The following KCNIP1 variants were observed in gnomAD, a reference collection of about 807,000 sequenced individuals.
KCNIP1 encodes A-type potassium channel modulatory protein KCNIP1.
KCNIP1 carries 18 observed loss-of-function variants against 33.0 expected under a neutral mutation model. The observed-to-expected ratio is 0.55, with a 90% confidence interval of 0.38 to 0.81. The LOEUF (loss-of-function observed/expected upper bound fraction) is 0.81. KCNIP1 is among the 30% of genes least tolerant of loss of function. KCNIP1 has a pLI of 0.00. For synonymous variants in KCNIP1, 93 were observed against 98.3 expected, an observed-to-expected ratio of 0.95 and a Z score of 0.32; for missense variants, 238 against 271.6, an observed-to-expected ratio of 0.88 and a Z score of 0.87.
chr5:170,594,574 A>G (rs1360886453), intron 1 of KCNIP1, among the ~76,000 whole-genome samples: 1 of 152,132 alleles, frequency 6.6e-6, no homozygotes, highest in Non-Finnish European at 1.5e-5. Context: ...GCAGTGGCAC[A>G]GTCTCGGCTC....
At chr5:170,487,387 C>T (rs1757119471) in intron 1 of KCNIP1, among the ~76,000 whole-genome samples, 1 of 152,138 alleles carries the variant, frequency 6.6e-6, no homozygotes, top group Non-Finnish European at 1.5e-5. Context: ...GGTACTATGG[C>T]CTAGGCAAGT....
At chr5:170,494,779 C>T (rs1302148709) in intron 1 of KCNIP1, among the ~76,000 whole-genome samples, 1 of 152,176 alleles carries the variant, frequency 6.6e-6, no homozygotes, top group Non-Finnish European at 1.5e-5. Flanking sequence ...TTTCTCTTCC[C>T]TCCACTGCTC....
Position 170,426,193 on chromosome 5 carries a change from C to T in KCNIP1, c.88+72229C>T, listed in dbSNP as rs534054415. Among the ~76,000 whole-genome samples, 4 of 152,058 alleles carry T rather than the reference C, an allele frequency of 2.6e-5. No individual in the cohort carries two copies. The South Asian group carries it at 8.3e-4, about 32-fold the overall frequency. Reference sequence around the variant, plus strand: ...TGGTTCTCTTAGGCCCCTGTATCCTCAGGCCCAGCATGCTTGGGAAAATGT... The same window carrying T: ...TGGTTCTCTTAGGCCCCTGTATCCTTAGGCCCAGCATGCTTGGGAAAATGT... On this transcript the variant is annotated intron_variant, in intron 1 of 7. Transcript: ENST00000377360.
At chr5:170,650,104 G>A (rs141109655) in intron 1 of KCNIP1, among the ~76,000 whole-genome samples, 97 of 152,050 alleles carry the variant, frequency 6.4e-4, no homozygotes, top group Middle Eastern at 3.4e-3. Flanking sequence ...ATTGCTAAGC[G>A]TTATAGATTA....
At chr5:170,715,194 AG>A (rs1303121660) in intron 1 of KCNIP1, among the ~76,000 whole-genome samples, 1 of 152,218 alleles carries the variant, frequency 6.6e-6, no homozygotes, top group Non-Finnish European at 1.5e-5. Context: ...CACACTGTAC[AG>A]GTTTATAGCC....
At chr5:170,409,824 C>T (rs190777357) in intron 1 of KCNIP1, among the ~76,000 whole-genome samples, 223 of 152,284 alleles carry the variant, frequency 1.5e-3, no homozygotes, top group Non-Finnish European at 2.6e-3. Flanking sequence ...GTGTCTTTCC[C>T]TGTAAAATGG....
chr5:170,501,537 A>T (rs545441414), upstream of KCNIP1, among the ~76,000 whole-genome samples: 3 of 152,350 alleles, frequency 2.0e-5, no homozygotes, highest in African/African-American at 7.2e-5. Context: ...GTCCAGAAGC[A>T]CTTTGCTATT....
Position 170,706,414 on chromosome 5 carries a change from G to A in KCNIP1, c.62-12344G>A, listed in dbSNP as rs145106243. ...TCACACTAACAGCCTGAACTGGGCTGTGAAGGGAATATTTAGACCAAGGAA... is the reference window on the plus strand; with the variant it reads ...TCACACTAACAGCCTGAACTGGGCTATGAAGGGAATATTTAGACCAAGGAA... On this transcript the variant is annotated intron_variant, in intron 1 of 7. Coordinates refer to ENST00000328939, the MANE Select transcript of KCNIP1 (RefSeq NM_014592.4). Among the ~76,000 whole-genome samples, 38 of 152,252 alleles carry A rather than the reference G, an allele frequency of 2.5e-4. No homozygotes were observed. The East Asian group carries it at 6.4e-3, about 26-fold the overall frequency.
intron 1 of KCNIP1, among the ~76,000 whole-genome samples, chr5:170,647,429 T>C (rs1033453153): frequency 6.6e-6 from 1 of 151,964 alleles, no homozygotes; most frequent in Non-Finnish European, 1.5e-5. Context: ...AATAGACAAG[T>C]AGATCAATGG....
chr5:170,386,235 T>C (rs1353400576), intron 1 of KCNIP1, among the ~76,000 whole-genome samples: 2 of 151,586 alleles, frequency 1.3e-5, no homozygotes, highest in African/African-American at 4.9e-5. Context: ...AAGAGGGAAG[T>C]GAAGGGAGAT....
intron 1 of KCNIP1, among the ~76,000 whole-genome samples, chr5:170,566,268 T>C (rs1002864447): frequency 6.6e-6 from 1 of 152,162 alleles, no homozygotes; most frequent in African/African-American, 2.4e-5. Context: ...TTTGTGTGTT[T>C]GTTTTGTAGA....
At chr5:170,494,847 G>A (rs1757278762) in intron 1 of KCNIP1, among the ~76,000 whole-genome samples, 1 of 152,160 alleles carries the variant, frequency 6.6e-6, no homozygotes, top group Admixed American at 6.5e-5. Flanking sequence ...AGAGAGATCG[G>A]GTTCAAACCC....
chr5:170,435,169 G>C (rs1295849069), intron 1 of KCNIP1, among the ~76,000 whole-genome samples: 1 of 152,208 alleles, frequency 6.6e-6, no homozygotes, highest in East Asian at 1.9e-4. Context: ...GTACCACCTG[G>C]TGCCCAGCAG....
chr5:170,505,261 C>T (rs941505357), intron 1 of KCNIP1, among the ~76,000 whole-genome samples: 1 of 152,164 alleles, frequency 6.6e-6, no homozygotes, highest in Non-Finnish European at 1.5e-5. Context: ...CGTGGAGTCT[C>T]TTCTGCCTGG....
intron 1 of KCNIP1, among the ~76,000 whole-genome samples, chr5:170,498,201 G>T (rs1290124796): frequency 6.6e-6 from 1 of 152,214 alleles, no homozygotes; most frequent in East Asian, 1.9e-4. Context: ...TCTGAATCAG[G>T]ACTGTGTTCC....
At chr5:170,598,189 A>G (rs1357438420) in intron 1 of KCNIP1, among the ~76,000 whole-genome samples, 1 of 151,992 alleles carries the variant, frequency 6.6e-6, no homozygotes, top group Non-Finnish European at 1.5e-5. Context: ...TCTGCCTTCC[A>G]CCAGCTCGAC....
At chr5:170,427,484 C>T (rs1197995200) in intron 1 of KCNIP1, among the ~76,000 whole-genome samples, 2 of 152,214 alleles carry the variant, frequency 1.3e-5, no homozygotes, top group African/African-American at 4.8e-5. Flanking sequence ...GGGGAAGCGA[C>T]TTCCCAGGTT....
chr5:170,660,370 A>AT (rs1318138766), intron 1 of KCNIP1, among the ~76,000 whole-genome samples: 4 of 129,626 alleles, frequency 3.1e-5, no homozygotes, highest in African/African-American at 7.1e-5. Context: ...AATGATTTTT[A>AT]TAAAAAAAAA....
intron 1 of KCNIP1, among the ~76,000 whole-genome samples, chr5:170,674,542 C>A (rs1374805796): frequency 2.0e-5 from 3 of 152,298 alleles, no homozygotes; most frequent in African/African-American, 7.2e-5. Flanking sequence ...GACAGACCTA[C>A]ATCTGCACCT....
Sources: gnomAD v4.1 joint callset for allele counts (sites outside exome capture counted in the v4.1 genomes callset) on GRCh38, gnomAD v4.1.1 for gene constraint, MANE v1.5 for transcripts, NCBI Gene and HGNC (gene_info 2026-07-23, HGNC 2026-07-21) for gene names.